Variants in APOOL observed in about 807,000 individuals in gnomAD.
APOOL encodes the protein MICOS complex subunit MIC27.
In APOOL, 12 loss-of-function variants were observed where a neutral mutation model predicts 23.1. The ratio of observed to expected loss-of-function variants is 0.52; its 90% CI spans 0.33 to 0.84. The LOEUF is 0.84. Ranked by LOEUF, APOOL falls within the 40% of genes least tolerant of loss-of-function variation. The pLI is 0.02. For synonymous variants in APOOL, 77 were observed against 69.9 expected (o/e 1.10, Z -0.51); for missense variants, 212 against 199.6 (o/e 1.06, Z -0.37).
chrX:85,012,151 G>A (rs777537068), intron 1 of APOOL, among the ~76,000 whole-genome samples: 64 of 111,636 alleles, frequency 5.7e-4, no homozygotes, highest in African/African-American at 2.0e-3. Context: ...CAGCTTGATC[G>A]TTGTTGGTGT....
At chrX:85,068,094 C>T (rs746690702) in intron 6 of APOOL, among the ~76,000 whole-genome samples, 7 of 111,820 alleles carry the variant, frequency 6.3e-5, no homozygotes, top group Non-Finnish European at 1.1e-4. Context: ...AGGAAGAGAG[C>T]ATTATTCATT....
intron 1 of APOOL, among the ~76,000 whole-genome samples, chrX:85,030,103 C>T (rs1170327996): frequency 8.9e-6 from 1 of 112,032 alleles, no homozygotes; most frequent in Non-Finnish European, 1.9e-5. Flanking sequence ...ATGGAACCAA[C>T]CTAAATGCCC....
chrX:85,005,050 A>G (rs1257025357), intron 1 of APOOL, among the ~76,000 whole-genome samples: 1 of 111,330 alleles, frequency 9.0e-6, no homozygotes, highest in Non-Finnish European at 1.9e-5. Context: ...TCATTCATTC[A>G]TTCAGCAGCT....
intron 5 of APOOL, among the ~76,000 whole-genome samples, chrX:85,060,970 G>T (rs1923194022): frequency 9.0e-6 from 1 of 111,295 alleles, no homozygotes; most frequent in African/African-American, 3.3e-5. Context: ...GTTTTCAAAG[G>T]GAATGCTTCC....
intron 5 of APOOL, among the ~76,000 whole-genome samples, chrX:85,064,278 T>C (rs933979580): frequency 9.1e-6 from 1 of 109,988 alleles, no homozygotes; most frequent in Admixed American, 9.8e-5. Context: ...TCTTTATTAG[T>C]GTAGCTAGCA....
At chrX:85,071,592 G>A (rs1326499276) in intron 6 of APOOL, among the ~76,000 whole-genome samples, 1 of 110,689 alleles carries the variant, frequency 9.0e-6, no homozygotes, top group African/African-American at 3.3e-5. Flanking sequence ...GAAATAAGAG[G>A]AATACCTGTT....
chrX:85,057,178 A>G (rs1922999844), intron 5 of APOOL, among the ~76,000 whole-genome samples: 1 of 111,129 alleles, frequency 9.0e-6, no homozygotes, highest in Non-Finnish European at 1.9e-5. Context: ...GAAAATTTAT[A>G]TACAGATTTT....
At chrX:85,085,029 T>C (rs1039442321) in intron 8 of APOOL, among the ~76,000 whole-genome samples, 3 of 111,703 alleles carry the variant, frequency 2.7e-5, no homozygotes, top group Non-Finnish European at 3.8e-5. Context: ...TTCCTAACCA[T>C]TTTTTGTGCT....
chrX:85,031,564 A>T (rs1250616871), intron 1 of APOOL, among the ~76,000 whole-genome samples: 1 of 111,969 alleles, frequency 8.9e-6, no homozygotes, highest in Non-Finnish European at 1.9e-5. Flanking sequence ...GAATTGAGCC[A>T]GTCCTTCAGT....
At chrX:85,050,810 T>G (rs775601582) in intron 2 of APOOL, among the ~76,000 whole-genome samples, 14 of 110,338 alleles carry the variant, frequency 1.3e-4, no homozygotes, top group African/African-American at 4.6e-4. Flanking sequence ...GAAAACAAAA[T>G]CCTCTGTGTT....
intron 6 of APOOL, among the ~76,000 whole-genome samples, chrX:85,069,789 T>TA (rs1286581100): frequency 9.1e-6 from 1 of 110,196 alleles, no homozygotes; most frequent in Non-Finnish European, 1.9e-5. Flanking sequence ...AATGAACAGT[T>TA]AAAAACATTA....
intron 6 of APOOL, among the ~76,000 whole-genome samples, chrX:85,067,895 T>G (rs1432040850): frequency 1.8e-5 from 2 of 111,336 alleles, no homozygotes; most frequent in African/African-American, 6.5e-5. Context: ...TACCAACAGT[T>G]AGCATTTCCC....
intron 6 of APOOL, among the ~76,000 whole-genome samples, chrX:85,072,768 TA>T (rs1923712795): frequency 8.9e-6 from 1 of 112,040 alleles, no homozygotes; most frequent in South Asian, 3.7e-4. Context: ...GTCAAGCTTT[TA>T]AAAAAATCAT....
chrX:85,046,653 CTTTG>C, intron 2 of APOOL, 103 bp downstream of exon 2: 1 of 631,574 alleles, frequency 1.6e-6, no homozygotes, highest in Non-Finnish European at 2.4e-6. Context: ...TCTTAGAAGT[CTTTG>C]TTAGGTAGAT....
chrX:85,007,863 G>A (rs1361310699), intron 1 of APOOL, among the ~76,000 whole-genome samples: 4 of 111,846 alleles, frequency 3.6e-5, no homozygotes, highest in Non-Finnish European at 7.5e-5. Context: ...CAGGTACTGC[G>A]CTAAGCTGTT....
chrX:85,080,405 G>T (rs747225115), intron 8 of APOOL: 1 of 112,080 alleles, frequency 8.9e-6, no homozygotes, highest in East Asian at 2.8e-4. Context: ...GCGGTTTTGA[G>T]TGAGTTTCTT....
intron 8 of APOOL, among the ~76,000 whole-genome samples, chrX:85,082,174 T>C (rs1924127459): frequency 8.9e-6 from 1 of 112,170 alleles, no homozygotes; most frequent in Non-Finnish European, 1.9e-5. Context: ...AGAGGTGCTC[T>C]GGTTTTTAGA....
chrX:85,066,809 GT>G (rs1923475778), intron 5 of APOOL, among the ~76,000 whole-genome samples: 1 of 110,048 alleles, frequency 9.1e-6, no homozygotes, highest in South Asian at 3.9e-4. Flanking sequence ...CAAAATTGTG[GT>G]TATAAATTTG....
rs1205615810 is a variant in APOOL, at chrX:85,090,979, C to T, written c.*3301C>T. Reference sequence around the variant, plus strand: ...GTATGGCCGGGTATGGTGGCTCACACCTATAATCCCAGCACTTTGGGAGGC... The same window carrying T: ...GTATGGCCGGGTATGGTGGCTCACATCTATAATCCCAGCACTTTGGGAGGC... On this transcript the variant is annotated 3_prime_UTR_variant, in exon 9 of 9. Coordinates refer to ENST00000373173, the MANE Select transcript of APOOL (RefSeq NM_198450.6). The T allele has an allele frequency of 8.9e-6, 1 of 112,267 alleles. No homozygotes were observed. The highest frequency in any genetic ancestry group is 1.9e-5 in the Non-Finnish European group (1 of 53,329). 9.3% of individuals were successfully genotyped at this position (112,267 alleles called of 1,213,427 possible).
Sources: gnomAD v4.1 joint callset for allele counts (sites outside exome capture counted in the v4.1 genomes callset) on GRCh38, gnomAD v4.1.1 for gene constraint, MANE v1.5 for transcripts, NCBI Gene and HGNC (gene_info 2026-07-23, HGNC 2026-07-21) for gene names.